TMEM232: variants seen among roughly 807,000 people sequenced by gnomAD.
The protein encoded by TMEM232 is transmembrane protein 232.
A neutral mutation model predicts 78.8 loss-of-function variants in TMEM232; 80 were observed. That is an observed-to-expected ratio of 1.01 (90% confidence interval 0.85 to 1.22). TMEM232 has a LOEUF of 1.22. TMEM232 is among the 50% of genes most tolerant of loss of function. The pLI is 0.00. For synonymous variants in TMEM232, 297 were observed against 254.3 expected, an observed-to-expected ratio of 1.17 and a Z score of -1.60; for missense variants, 881 against 742.2, an observed-to-expected ratio of 1.19 and a Z score of -2.17.
intron 2 of TMEM232, among the ~76,000 whole-genome samples, chr5:110,411,185 G>T (rs1755984170): frequency 2.6e-5 from 4 of 152,038 alleles, no homozygotes; most frequent in Admixed American, 2.6e-4. Flanking sequence ...TGGTCTCCCT[G>T]ATGCTCCCAG....
intron 8 of TMEM232, among the ~76,000 whole-genome samples, chr5:110,608,599 T>C (rs78315036): frequency 6.6e-6 from 1 of 152,030 alleles, no homozygotes; most frequent in Non-Finnish European, 1.5e-5. Context: ...GAACTATGGA[T>C]TGAAAAAGAT....
Position 110,401,432 on chromosome 5 carries a change from C to T in TMEM232, n.309-3578G>A, listed in dbSNP as rs74778286. ...GGTACGACATGCCTCTCTGGCCAAG[C>T]AAAGTGTATCGACATACCCTCCTGA... is the stretch of plus-strand genomic sequence containing the variant. On this transcript the variant is annotated intron_variant and non_coding_transcript_variant, in intron 2 of 8. Transcript: ENST00000507188. 9.4e-3 allele frequency among the ~76,000 whole-genome samples: 1,423 copies of T among 152,052 alleles called. 21 individuals carry two copies. Among genetic ancestry groups the T allele is most frequent in the African/African-American group, 0.032 (1,348 of 41,482 alleles).
At chr5:110,556,462 A>G (rs1453321517) in intron 11 of TMEM232, among the ~76,000 whole-genome samples, 1 of 151,670 alleles carries the variant, frequency 6.6e-6, no homozygotes, top group Non-Finnish European at 1.5e-5. Context: ...ATCTTGGCTC[A>G]CTGCAACCTC....
chr5:110,559,182 CA>C lies in TMEM232; in HGVS notation c.1455+9264del, dbSNP rs548654251. 5.9e-5 allele frequency among the ~76,000 whole-genome samples: 9 copies of C among 151,856 alleles called. No homozygotes were observed. In the South Asian group the frequency reaches 1.0e-3, roughly 18 times the overall value. ...ATATACAGTTTTACTTTATATTACA[CA>C]AAAAAAATCAATTTCAGATGAATTG... On this transcript the variant is annotated intron_variant, in intron 11 of 13. Coordinates refer to ENST00000455884, the MANE Select transcript of TMEM232 (RefSeq NM_001039763.4).
At chr5:110,693,305 C>T (rs1248882323) in intron 1 of TMEM232, among the ~76,000 whole-genome samples, 1 of 152,092 alleles carries the variant, frequency 6.6e-6, no homozygotes, top group Non-Finnish European at 1.5e-5. Flanking sequence ...CCCATCTGTA[C>T]GTCACTATCA....
chr5:110,488,321 C>A (rs1561558554), intron 12 of TMEM232, among the ~76,000 whole-genome samples: 1 of 151,746 alleles, frequency 6.6e-6, no homozygotes. Flanking sequence ...CCAGGATAAA[C>A]CATATGGCAG....
intron 10 of TMEM232, among the ~76,000 whole-genome samples, chr5:110,571,695 GT>G (rs146028936): frequency 0.037 from 5,421 of 146,114 alleles, 146 homozygotes; most frequent in African/African-American, 0.074. Context: ...TTGTTTTTTT[GT>G]TTTTTTTTTA....
intron 12 of TMEM232, among the ~76,000 whole-genome samples, chr5:110,485,216 A>C (rs1051628449): frequency 2.0e-5 from 3 of 152,188 alleles, no homozygotes; most frequent in African/African-American, 2.4e-5. Context: ...CTAACTAACA[A>C]GGAACAGAAG....
chr5:110,487,501 T>C (rs1284915587), intron 12 of TMEM232, among the ~76,000 whole-genome samples: 2 of 152,152 alleles, frequency 1.3e-5, no homozygotes, highest in Non-Finnish European at 2.9e-5. Flanking sequence ...CCAATTTTGC[T>C]GAGAGTTTTC....
intron 1 of TMEM232, among the ~76,000 whole-genome samples, chr5:110,716,734 T>C (rs1290027369): frequency 6.6e-6 from 1 of 152,180 alleles, no homozygotes; most frequent in Non-Finnish European, 1.5e-5. Context: ...TGGGGATCCC[T>C]GTTTTACAGA....
chr5:110,447,015 T>C (rs1474657540), intron 12 of TMEM232, among the ~76,000 whole-genome samples: 2 of 151,876 alleles, frequency 1.3e-5, no homozygotes, highest in African/African-American at 4.8e-5. Flanking sequence ...AAAATGCTCA[T>C]ATGAAAGCAG....
intron 13 of TMEM232, among the ~76,000 whole-genome samples, chr5:110,422,015 A>C (rs1246521428): frequency 1.3e-5 from 2 of 152,206 alleles, no homozygotes; most frequent in Non-Finnish European, 2.9e-5. Flanking sequence ...CAGAATAGTC[A>C]GGCACAGGCT....
rs1795564909 is a variant in TMEM232, at chr5:110,702,824, T to A, written c.-13+23803A>T. Among the ~76,000 whole-genome samples the A allele has an allele frequency of 5.9e-5, 9 of 152,014 alleles. 1 individual carries two copies. In the South Asian group the frequency reaches 1.9e-3, roughly 31 times the overall value. The stretch of plus-strand genomic sequence containing the variant: ...TAAAGAAAAATCAACATAGTTAGCT[T>A]AGTTAACAGCACTCATCAGAGCTTG... On this transcript the variant is annotated intron_variant, in intron 1 of 13. Transcript: ENST00000455884.
chr5:110,425,389 T>A (rs1201322154), intron 12 of TMEM232, among the ~76,000 whole-genome samples: 2 of 152,070 alleles, frequency 1.3e-5, no homozygotes. Context: ...ATTATTGTAT[T>A]ATTAAAGTCA....
At chr5:110,464,848 C>G (rs574341950) in intron 12 of TMEM232, among the ~76,000 whole-genome samples, 1 of 152,244 alleles carries the variant, frequency 6.6e-6, no homozygotes, top group South Asian at 2.1e-4. Flanking sequence ...ATCTATCTAT[C>G]TATCATGAAC....
chr5:110,457,984 A>G (rs1021512706), intron 12 of TMEM232, among the ~76,000 whole-genome samples: 1 of 152,162 alleles, frequency 6.6e-6, no homozygotes, highest in Non-Finnish European at 1.5e-5. Flanking sequence ...TAATGTATTT[A>G]ATTAAAAAGT....
intron 12 of TMEM232, among the ~76,000 whole-genome samples, chr5:110,519,110 T>G (rs1477121418): frequency 6.6e-6 from 1 of 152,038 alleles, no homozygotes; most frequent in Admixed American, 6.6e-5. Context: ...GCCAAATAAA[T>G]TCTGAAAAAT....
intron 3 of TMEM232, among the ~76,000 whole-genome samples, chr5:110,392,269 A>AATAG (rs1020178867): frequency 1.3e-5 from 2 of 152,216 alleles, no homozygotes; most frequent in African/African-American, 4.8e-5. Flanking sequence ...AGAGTGAATA[A>AATAG]ATAGACCTGA....
At position 110,625,381 on chromosome 5, in the gene TMEM232, A is replaced by G; in HGVS notation, c.654T>C (p.Asn218=). ...SYHKYPNIFS[N]VQFILKASEI... is the part of the protein sequence containing the mutation. ...CCGAGGCTTTCAGGATGAATTGCAC[A>G]TTTGAAAAGATGTTTGGATACTTGT... The change falls in exon 7 of 14, where the codon AAT becomes AAC. Residue 218 remains asparagine (N), a synonymous_variant. Transcript: ENST00000455884. The G allele has an allele frequency of 6.5e-7, 1 of 1,547,072 alleles. No individual in the cohort carries two copies. The highest frequency in any genetic ancestry group is 8.7e-7 in the Non-Finnish European group (1 of 1,144,366).
Sources: gnomAD v4.1 joint callset for allele counts (sites outside exome capture counted in the v4.1 genomes callset) on GRCh38, gnomAD v4.1.1 for gene constraint, MANE v1.5 for transcripts, NCBI Gene and HGNC (gene_info 2026-07-23, HGNC 2026-07-21) for gene names.